Variants in ZNF562 observed in about 807,000 individuals in gnomAD.
ZNF562 encodes zinc finger protein 562.
ZNF562 carries 13 observed loss-of-function variants against 17.5 expected under a neutral mutation model. The ratio of observed to expected loss-of-function variants is 0.74; its 90% confidence interval spans 0.48 to 1.18. ZNF562 has a LOEUF of 1.18. Ranked by LOEUF, ZNF562 falls within the 50% of genes most tolerant of loss-of-function variation. The probability of loss-of-function intolerance (pLI) is 0.00; values close to 1 mark genes in which losing one functional copy is unlikely to be tolerated. For missense variants in ZNF562, 481 were observed against 498.5 expected (o/e 0.96, Z 0.33); for synonymous variants, 163 against 165.4 (o/e 0.99, Z 0.11).
rs150338457 is a variant in ZNF562, at chr19:9,645,618, T to C, written c.*7331A>G. 2.0e-5 allele frequency: 3 copies of C among 152,312 alleles called. No individual in the cohort carries two copies. The highest frequency in any genetic ancestry group is 7.2e-5 in the African/African-American group (3 of 41,556). The allele number at this position is 152,312 out of a possible 1,614,324, so 9.4% of individuals were successfully genotyped here. A position where few individuals can be genotyped will look rare whatever the true frequency, so the allele number is the denominator to read the frequency against. On this transcript the variant is annotated 3_prime_UTR_variant, in exon 6 of 6. Coordinates refer to ENST00000453372, the MANE Select transcript of ZNF562 (RefSeq NM_001130031.2). ...CATAAAAAGGAGAGAGATTGCACCT[T>C]CAGAGAGTAATCTCAAGACATCTGT...
chr19:9,655,934 T>C (rs544879462), intron 5 of ZNF562, among the ~76,000 whole-genome samples: 2 of 152,062 alleles, frequency 1.3e-5, no homozygotes, highest in South Asian at 4.2e-4. Flanking sequence ...GTTTTCACCA[T>C]GTTGGCCAGG....
rs977068254 is a variant in ZNF562 at position 9,643,148 on chromosome 19, G to C, written c.*9801C>G. ...AGGCTGAATCAGGGGGGTCTCAGGAGTTCAAGACCATCCTGGCCAACATGG... is the reference window on the plus strand; with the variant it reads ...AGGCTGAATCAGGGGGGTCTCAGGACTTCAAGACCATCCTGGCCAACATGG... On this transcript the variant is annotated 3_prime_UTR_variant, in exon 6 of 6. Transcript: ENST00000453372. 2.0e-5 allele frequency: 3 copies of C among 151,756 alleles called. No individual in the cohort carries two copies. The highest frequency in any genetic ancestry group is 7.3e-5 in the African/African-American group (3 of 41,262). The allele number at this position is 151,756 out of a possible 1,614,324, so 9.4% of individuals were successfully genotyped here.
In ZNF562 at chr19:9,642,070, A is replaced by T. The variant is rs2074775458; in HGVS notation, c.*10879T>A. On this transcript the variant is annotated 3_prime_UTR_variant, in exon 6 of 6. Transcript: ENST00000453372. ...GAGGAAGGTTACAAAGTACATTTAC[A>T]AGGAGAGGAAAGGTGTACTGTCACA... 1 of 151,828 alleles carries T rather than the reference A, an allele frequency of 6.6e-6. No homozygotes were observed. Among genetic ancestry groups the T allele is most frequent in the African/African-American group, 2.4e-5 (1 of 41,298 alleles). 9.4% of individuals were successfully genotyped at this position (151,828 alleles called of 1,614,324 possible).
At position 9,653,362 on chromosome 19, in the gene ZNF562, AT is replaced by A; in HGVS notation, c.867del (p.Glu289AspfsTer25). The A allele has an allele frequency of 1.2e-6, 2 of 1,614,092 alleles. No homozygotes were observed. The highest frequency in any genetic ancestry group is 1.7e-6 in the Non-Finnish European group (2 of 1,179,990). On this transcript the variant is annotated frameshift_variant, in exon 6 of 6. Transcript: ENST00000453372. LOFTEE classifies it low-confidence loss of function (END_TRUNC). ...CTAAAGGATCTTCCACATTCTTTACATTCAAAGGACTTCTCTCCTTTATGAG... is the reference window on the plus strand; with the variant it reads ...CTAAAGGATCTTCCACATTCTTTACATCAAAGGACTTCTCTCCTTTATGAG... ...AKTHKGEKSF[E>X]CKECGRSFRN...
At chr19:9,656,871 A>AAAAATATATAT (rs376933513) in intron 4 of ZNF562, among the ~76,000 whole-genome samples, 121 of 142,440 alleles carry the variant, frequency 8.5e-4, no homozygotes, top group African/African-American at 2.6e-3. Context: ...AAAATACAAA[A>AAAAATATATAT]ATATATATAT....
chr19:9,658,410 C>G (rs2043603866), intron 3 of ZNF562: 1 of 927,450 alleles, frequency 1.1e-6, no homozygotes, highest in South Asian at 5.0e-5. Context: ...AGTGCAATGG[C>G]ACGATCTCGG....
intron 1 of ZNF562, among the ~76,000 whole-genome samples, chr19:9,668,319 G>C (rs1379614625): frequency 6.6e-6 from 1 of 151,958 alleles, no homozygotes; most frequent in Non-Finnish European, 1.5e-5. Context: ...CAAGGCTGCT[G>C]CATGAGCTAC....
At position 9,647,382 on chromosome 19, in the gene ZNF562, A is replaced by G. The variant is rs2074815245; in HGVS notation, c.*5567T>C. On this transcript the variant is annotated 3_prime_UTR_variant, in exon 6 of 6. Coordinates refer to ENST00000453372, the MANE Select transcript of ZNF562 (RefSeq NM_001130031.2). ...GGCATGAGCCACCACTCCCAGCCTG[A>G]TAACTGTTTTATTTATTTATTTTTA... The G allele has an allele frequency of 6.6e-6, 1 of 151,992 alleles. No individual in the cohort carries two copies. The highest frequency in any genetic ancestry group is 2.4e-5 in the African/African-American group (1 of 41,360). The allele number at this position is 151,992 out of a possible 1,614,324, so 9.4% of individuals were successfully genotyped here.
intron 1 of ZNF562, among the ~76,000 whole-genome samples, chr19:9,663,080 T>C (rs964486983): frequency 2.6e-5 from 4 of 151,530 alleles, no homozygotes; most frequent in Admixed American, 6.6e-5. Context: ...CTAATGTAGA[T>C]AATGGCCTTA....
At chr19:9,665,009 G>A (rs1313199982) in intron 1 of ZNF562, among the ~76,000 whole-genome samples, 1 of 152,124 alleles carries the variant, frequency 6.6e-6, no homozygotes, top group South Asian at 2.1e-4. Flanking sequence ...CTCACCTGAG[G>A]TCAGGAGTTT....
intron 3 of ZNF562, chr19:9,658,339 T>C: frequency 1.0e-5 from 10 of 985,214 alleles, no homozygotes; most frequent in Non-Finnish European, 1.2e-5. Flanking sequence ...AAACAGCACT[T>C]TTTTTCTTTC....
chr19:9,658,057 G>C lies in ZNF562; in HGVS notation c.193C>G (p.Leu65Val). ...TTCTCCAGCATCACATCTCTGTAGAGGTATTTCTGAGTTGTGTCCAGTAAA... is the reference window on the plus strand; with the variant it reads ...TTCTCCAGCATCACATCTCTGTAGACGTATTTCTGAGTTGTGTCCAGTAAA... ...WALLDTTQKY[L>V]YRDVMLENYM... The change falls in exon 4 of 6, where the codon CTC becomes GTC. Residue 65 changes from leucine to valine, a missense_variant. Physicochemically the swap from Leu to Val is conservative, Grantham distance 32. Transcript: ENST00000453372. 1 of 1,613,866 alleles carries C rather than the reference G, an allele frequency of 6.2e-7. No individual in the cohort carries two copies. The highest frequency in any genetic ancestry group is 8.5e-7 in the Non-Finnish European group (1 of 1,179,860).
At chr19:9,674,031 A>T (rs1282964553) in intron 1 of ZNF562, among the ~76,000 whole-genome samples, 3 of 152,224 alleles carry the variant, frequency 2.0e-5, no homozygotes, top group Non-Finnish European at 2.9e-5. Context: ...AGATGGAGCA[A>T]TGGTGAGCAC....
chr19:9,671,071 T>C (rs148841848), intron 1 of ZNF562, among the ~76,000 whole-genome samples: 3 of 151,330 alleles, frequency 2.0e-5, no homozygotes, highest in Non-Finnish European at 4.4e-5. Flanking sequence ...TGGTATTCAA[T>C]AGATCAGTAG....
At chr19:9,674,302 GAGTC>G (rs1309344449) in intron 1 of ZNF562, among the ~76,000 whole-genome samples, 1 of 152,144 alleles carries the variant, frequency 6.6e-6, no homozygotes, top group Admixed American at 6.6e-5. Flanking sequence ...TAATCAGAAT[GAGTC>G]AGGGTGGAGC....
Position 9,664,259 on chromosome 19 carries a change from G to A in ZNF562, c.-130-3385C>T, listed in dbSNP as rs538802538. ...AATTTTTGTGTTTTTAGTAGAGACT[G>A]TGTTTCTCCACGTTGGTCTGGATGG... On this transcript the variant is annotated intron_variant, in intron 1 of 5. Coordinates refer to ENST00000453372, the MANE Select transcript of ZNF562 (RefSeq NM_001130031.2). 2.0e-5 allele frequency among the ~76,000 whole-genome samples: 3 copies of A among 152,286 alleles called. No individual in the cohort carries two copies. The South Asian group carries it at 6.2e-4, about 32-fold the overall frequency.
intron 5 of ZNF562, among the ~76,000 whole-genome samples, chr19:9,654,517 A>T (rs1027943833): frequency 2.0e-5 from 3 of 151,956 alleles, no homozygotes; most frequent in Non-Finnish European, 4.4e-5. Flanking sequence ...GCTGGAGTGC[A>T]GTGTCACGAT....
intron 1 of ZNF562, among the ~76,000 whole-genome samples, chr19:9,669,670 C>G (rs1397419149): frequency 3.3e-5 from 5 of 149,832 alleles, no homozygotes; most frequent in African/African-American, 7.3e-5. Flanking sequence ...CATGCACGCA[C>G]AAAACCTGTC....
intron 2 of ZNF562, among the ~76,000 whole-genome samples, chr19:9,659,929 T>TAAAAAAAAAAA (rs763657709): frequency 2.7e-5 from 1 of 37,378 alleles, no homozygotes; most frequent in African/African-American, 1.1e-4. Context: ...CCGTCTCTAC[T>TAAAAAAAAAAA]AAAAAAAAAA....
Sources: gnomAD v4.1 joint callset for allele counts (sites outside exome capture counted in the v4.1 genomes callset) on GRCh38, gnomAD v4.1.1 for gene constraint, MANE v1.5 for transcripts, NCBI Gene and HGNC (gene_info 2026-07-23, HGNC 2026-07-21) for gene names.